Variants in ADGRL3 observed in about 807,000 individuals in gnomAD.
ADGRL3 encodes calcium-independent alpha-latrotoxin receptor 3.
ADGRL3 carries 62 observed loss-of-function variants against 153.5 expected under a neutral mutation model. The observed-to-expected ratio is 0.40, with a 90% CI of 0.33 to 0.50. The LOEUF (loss-of-function observed/expected upper bound fraction) is 0.50. ADGRL3 is among the 20% of genes least tolerant of loss of function. The pLI, the probability that ADGRL3 is intolerant of heterozygous loss-of-function variation, is 0.47. For missense variants in ADGRL3, 1,641 were observed against 1,859.4 expected, an observed-to-expected ratio of 0.88 and a Z score of 2.16; for synonymous variants, 710 against 672.5, an observed-to-expected ratio of 1.06 and a Z score of -0.86.
At chr4:61,314,295 C>T (rs1342479336) in intron 1 of ADGRL3, among the ~76,000 whole-genome samples, 5 of 151,792 alleles carry the variant, frequency 3.3e-5, no homozygotes, top group African/African-American at 9.7e-5. Context: ...CCATAACCTC[C>T]GCCTCCTGGG....
At chr4:61,530,524 G>A (rs549125308) in intron 4 of ADGRL3, among the ~76,000 whole-genome samples, 1 of 152,144 alleles carries the variant, frequency 6.6e-6, no homozygotes, top group Admixed American at 6.5e-5. Context: ...CACAGACTGT[G>A]TGGAGAAAGA....
chr4:62,006,003 C>CACACACACACACATAT (rs1230956055), intron 21 of ADGRL3, among the ~76,000 whole-genome samples: 13 of 48,982 alleles, frequency 2.7e-4, no homozygotes, highest in African/African-American at 8.8e-4. Flanking sequence ...CACACACACA[C>CACACACACACACATAT]ATATATATAT....
intron 1 of ADGRL3, among the ~76,000 whole-genome samples, chr4:61,215,828 A>C (rs1016380535): frequency 2.0e-5 from 3 of 152,032 alleles, no homozygotes; most frequent in Non-Finnish European, 1.5e-5. Context: ...CTGGGATTAC[A>C]GGCATGAGCC....
At chr4:61,511,006 T>A (rs188829642) in intron 3 of ADGRL3, among the ~76,000 whole-genome samples, 8 of 152,258 alleles carry the variant, frequency 5.3e-5, no homozygotes, top group Non-Finnish European at 1.2e-4. Flanking sequence ...ATTCCTAGAT[T>A]TTTTATTTTC....
At chr4:61,745,882 A>G (rs1382299710) in intron 8 of ADGRL3, among the ~76,000 whole-genome samples, 1 of 152,170 alleles carries the variant, frequency 6.6e-6, no homozygotes, top group Non-Finnish European at 1.5e-5. Context: ...ATGTAAATGG[A>G]CTAAATGCTC....
rs183904917 is a variant in ADGRL3, at chr4:61,619,053, G to A, written c.473+31613G>A. ...GTTTAAGTCACATTTTTTTAAATGA[G>A]CCTTTAGGCAAAGCAAATCACATGG... is the stretch of plus-strand genomic sequence containing the variant. On this transcript the variant is annotated intron_variant, in intron 5 of 26. Coordinates refer to ENST00000683033, the MANE Select transcript of ADGRL3 (RefSeq NM_001387552.1). 1.4e-4 allele frequency among the ~76,000 whole-genome samples: 21 copies of A among 152,224 alleles called. No individual in the cohort carries two copies. In the East Asian group the frequency reaches 3.9e-3, roughly 28 times the overall value.
rs541151494 is a variant in ADGRL3, at chr4:61,646,661, G to C, written c.474-30165G>C. On this transcript the variant is annotated intron_variant, in intron 5 of 26. Coordinates refer to ENST00000683033, the MANE Select transcript of ADGRL3 (RefSeq NM_001387552.1). ...TCAGATCTCCAGCTGCGTGCTGGGA[G>C]AACCACTGCCCTCTTCAAAGCTGTC... Among the ~76,000 whole-genome samples, 12 of 152,174 alleles carry C rather than the reference G, an allele frequency of 7.9e-5. No individual in the cohort carries two copies. The East Asian group carries it at 2.1e-3, about 27-fold the overall frequency.
chr4:61,727,324 G>T (rs1014908479), intron 6 of ADGRL3, among the ~76,000 whole-genome samples: 10 of 152,044 alleles, frequency 6.6e-5, no homozygotes, highest in African/African-American at 2.4e-4. Flanking sequence ...GGACAACAAT[G>T]AAATCACTTT....
At chr4:61,337,776 G>A (rs925106166) in intron 1 of ADGRL3, among the ~76,000 whole-genome samples, 11 of 152,038 alleles carry the variant, frequency 7.2e-5, no homozygotes, top group Non-Finnish European at 1.0e-4. Context: ...AAGATTCTTT[G>A]GCTTTTAAGG....
chr4:61,828,403 A>T lies in ADGRL3; in HGVS notation c.1480+14514A>T, dbSNP rs559690559. ...AAAATAAAAAAATAAAATATAAATT[A>T]AAAAAAGCGCAGGGTGCGGGGGATG... On this transcript the variant is annotated intron_variant, in intron 9 of 26. Coordinates refer to ENST00000683033, the MANE Select transcript of ADGRL3 (RefSeq NM_001387552.1). Among the ~76,000 whole-genome samples, 209 of 152,250 alleles carry T rather than the reference A, an allele frequency of 1.4e-3. 1 individual carries two copies. Among genetic ancestry groups the T allele is most frequent in the African/African-American group, 3.5e-3 (144 of 41,544 alleles).
intron 21 of ADGRL3, among the ~76,000 whole-genome samples, chr4:62,017,384 G>A (rs1420786051): frequency 6.7e-6 from 1 of 148,576 alleles, no homozygotes; most frequent in African/African-American, 2.5e-5. Flanking sequence ...AAATTGTTTT[G>A]TATTTTCTTG....
chr4:61,909,766 TGTGTG>T, intron 12 of ADGRL3, 21 bp downstream of exon 12: 1 of 954,150 alleles, frequency 1.0e-6, no homozygotes, highest in Non-Finnish European at 1.4e-6. Context: ...TAATTATGTG[TGTGTG>T]TGTGTGTGTG....
At chr4:61,222,914 G>A (rs1373246800) in intron 1 of ADGRL3, among the ~76,000 whole-genome samples, 2 of 152,152 alleles carry the variant, frequency 1.3e-5, no homozygotes, top group Non-Finnish European at 2.9e-5. Flanking sequence ...TTTGTCAAAT[G>A]TATGGAACGT....
chr4:61,836,760 G>A (rs2097941926), intron 9 of ADGRL3, among the ~76,000 whole-genome samples: 1 of 151,890 alleles, frequency 6.6e-6, no homozygotes, highest in Admixed American at 6.6e-5. Context: ...TCTTGATTAG[G>A]AAAAAATTGA....
intron 1 of ADGRL3, among the ~76,000 whole-genome samples, chr4:61,311,687 A>G (rs952927215): frequency 3.3e-5 from 5 of 152,218 alleles, no homozygotes; most frequent in East Asian, 1.9e-4. Context: ...CCTGACTTCA[A>G]AAATTACTGT....
At chr4:61,453,937 T>A (rs1331433741) in intron 2 of ADGRL3, among the ~76,000 whole-genome samples, 2 of 152,060 alleles carry the variant, frequency 1.3e-5, no homozygotes, top group East Asian at 3.8e-4. Context: ...AATTTTAATA[T>A]TATATATATA....
At chr4:61,231,649 C>A (rs1394321394) in intron 1 of ADGRL3, among the ~76,000 whole-genome samples, 1 of 152,056 alleles carries the variant, frequency 6.6e-6, no homozygotes, top group Non-Finnish European at 1.5e-5. Flanking sequence ...ACTGCACTTC[C>A]CTTGCTGCAG....
chr4:61,458,122 T>A (rs2097773532), intron 2 of ADGRL3, among the ~76,000 whole-genome samples: 1 of 151,812 alleles, frequency 6.6e-6, no homozygotes, highest in African/African-American at 2.4e-5. Context: ...TCTTTCCTTG[T>A]TTTAATATGT....
intron 4 of ADGRL3, among the ~76,000 whole-genome samples, chr4:61,568,782 T>A (rs1161318830): frequency 1.3e-5 from 2 of 152,188 alleles, no homozygotes; most frequent in African/African-American, 4.8e-5. Context: ...AGCATGATCA[T>A]GGTTCTCCTT....
Sources: allele counts gnomAD v4.1 joint callset (sites outside exome capture counted in the v4.1 genomes callset), GRCh38; gene constraint gnomAD v4.1.1; transcripts MANE v1.5; gene names NCBI Gene and HGNC (gene_info 2026-07-23, HGNC 2026-07-21).